Variants in MAGI3 observed in about 807,000 individuals in gnomAD.
MAGI3 encodes membrane-associated guanylate kinase, WW and PDZ domain-containing protein 3.
MAGI3 carries 43 observed loss-of-function variants against 121.8 expected under a neutral mutation model. That is an observed-to-expected ratio of 0.35 (90% CI 0.28 to 0.46). The LOEUF is 0.46. Ranked by LOEUF, MAGI3 falls within the 20% of genes least tolerant of loss-of-function variation. MAGI3 has a pLI of 1.00. For missense variants in MAGI3, 1,547 were observed against 1,797.3 expected (o/e 0.86, Z 2.52); for synonymous variants, 553 against 639.3 (o/e 0.86, Z 2.04).
chr1:113,553,838 A>G (rs4274063), intron 2 of MAGI3, among the ~76,000 whole-genome samples: 45,129 of 151,962 alleles, frequency 0.3, 7,407 homozygotes, highest in East Asian at 0.65. Context: ...GTGAAACCCC[A>G]TCTCTACTAA....
At chr1:113,404,912 A>G (rs1414003949) in intron 1 of MAGI3, among the ~76,000 whole-genome samples, 1 of 152,174 alleles carries the variant, frequency 6.6e-6, no homozygotes, top group Non-Finnish European at 1.5e-5. Flanking sequence ...TCTTGGAATT[A>G]TATGAAATTA....
rs552556849 is a variant in MAGI3, at chr1:113,557,388, C to T, written c.433+7757C>T. Among the ~76,000 whole-genome samples the T allele has an allele frequency of 8.5e-5, 13 of 152,286 alleles. No individual in the cohort carries two copies. The South Asian group carries it at 2.7e-3, about 32-fold the overall frequency. ...TTCCAGCCTGCAGGCTTTGGAGAGTCCAAGCTGATGGGCAGAAGTGGTTCT... is the reference window on the plus strand; with the variant it reads ...TTCCAGCCTGCAGGCTTTGGAGAGTTCAAGCTGATGGGCAGAAGTGGTTCT... On this transcript the variant is annotated intron_variant, in intron 2 of 20. Transcript: ENST00000307546.
At chr1:113,447,840 A>G (rs1307478346) in intron 1 of MAGI3, among the ~76,000 whole-genome samples, 3 of 150,516 alleles carry the variant, frequency 2.0e-5, no homozygotes, top group African/African-American at 7.3e-5. Context: ...GGGTGACAGA[A>G]CAAGACTGTG....
intron 6 of MAGI3, among the ~76,000 whole-genome samples, chr1:113,609,336 T>C (rs1649981152): frequency 6.6e-6 from 1 of 152,246 alleles, no homozygotes; most frequent in African/African-American, 2.4e-5. Context: ...TAAGATCTTC[T>C]AGAAAGACCT....
intron 1 of MAGI3, among the ~76,000 whole-genome samples, chr1:113,433,420 A>C (rs1399999934): frequency 1.3e-5 from 2 of 152,218 alleles, no homozygotes; most frequent in Non-Finnish European, 2.9e-5. Context: ...GGTGCAGGTC[A>C]TAACATTTGA....
chr1:113,445,581 G>A (rs1654139510), intron 1 of MAGI3, among the ~76,000 whole-genome samples: 2 of 152,098 alleles, frequency 1.3e-5, no homozygotes, highest in African/African-American at 4.8e-5. Context: ...TCCAGCCTAG[G>A]CAACAGAGCA....
At chr1:113,457,835 G>A (rs61819361) in intron 1 of MAGI3, among the ~76,000 whole-genome samples, 2 of 152,140 alleles carry the variant, frequency 1.3e-5, no homozygotes, top group Non-Finnish European at 2.9e-5. Flanking sequence ...TGCTGAAAAG[G>A]TGACATTTGA....
chr1:113,674,783 G>A (rs1647774776), intron 19 of MAGI3, among the ~76,000 whole-genome samples: 1 of 152,110 alleles, frequency 6.6e-6, no homozygotes, highest in Admixed American at 6.5e-5. Context: ...GAATGAGTTG[G>A]GAGAGTGACT....
chr1:113,478,623 G>C (rs530874841), intron 1 of MAGI3, among the ~76,000 whole-genome samples: 1 of 152,092 alleles, frequency 6.6e-6, no homozygotes, highest in Non-Finnish European at 1.5e-5. Context: ...TGGAAGCTTC[G>C]TCCCAGAGGG....
intron 9 of MAGI3, among the ~76,000 whole-genome samples, chr1:113,639,991 G>A (rs528534858): frequency 2.0e-5 from 3 of 152,276 alleles, no homozygotes; most frequent in East Asian, 1.9e-4. Context: ...GAGCCACCAC[G>A]CCCAGCCAGT....
At chr1:113,583,869 T>C (rs2101724537) in intron 3 of MAGI3, among the ~76,000 whole-genome samples, 1 of 152,322 alleles carries the variant, frequency 6.6e-6, no homozygotes, top group South Asian at 2.1e-4. Context: ...AGAGACAGGA[T>C]GTCATTGAAA....
Position 113,619,779 on chromosome 1 carries a change from G to A in MAGI3, c.1120G>A (p.Ala374Thr), listed in dbSNP as rs1450411569. Residue 374 changes from alanine (A) to threonine (T), a missense_variant, in exon 8 of 21, where the codon GCC becomes ACC. Transcript: ENST00000307546. ...CCAGTTTGAAAATCCAGTGGAGGAA[G>A]CCAAAAGGAAAAAGCAGTTAGGACA... is the stretch of plus-strand genomic sequence containing the variant. ...KTQFENPVEE[A>T]KRKKQLGQVE... The A allele has an allele frequency of 1.2e-6, 2 of 1,613,220 alleles. No homozygotes were observed. Among genetic ancestry groups the A allele is most frequent in the Admixed American group, 3.3e-5 (2 of 59,962 alleles).
chr1:113,409,942 T>G (rs2101328844), intron 1 of MAGI3, among the ~76,000 whole-genome samples: 1 of 152,294 alleles, frequency 6.6e-6, no homozygotes, highest in South Asian at 2.1e-4. Flanking sequence ...CTGTAGGAAC[T>G]TTTCTGCAAG....
intron 2 of MAGI3, among the ~76,000 whole-genome samples, chr1:113,549,859 C>A (rs1305970377): frequency 6.6e-6 from 1 of 152,040 alleles, no homozygotes; most frequent in Admixed American, 6.5e-5. Context: ...TGGCTCACAC[C>A]TATAATCCCA....
intron 1 of MAGI3, among the ~76,000 whole-genome samples, chr1:113,516,978 G>A (rs1443994060): frequency 2.0e-5 from 3 of 151,852 alleles, no homozygotes; most frequent in Non-Finnish European, 2.9e-5. Flanking sequence ...ATATTCTACA[G>A]AATACCTGTT....
At chr1:113,482,688 T>G (rs1656169533) in intron 1 of MAGI3, among the ~76,000 whole-genome samples, 1 of 151,162 alleles carries the variant, frequency 6.6e-6, no homozygotes, top group African/African-American at 2.4e-5. Context: ...GATCTTATTT[T>G]CTGACTAAAT....
At chr1:113,505,358 A>C (rs924152068) in intron 1 of MAGI3, among the ~76,000 whole-genome samples, 4 of 152,026 alleles carry the variant, frequency 2.6e-5, no homozygotes, top group Non-Finnish European at 5.9e-5. Context: ...AGGTTTTGTA[A>C]TATTTTCTGT....
chr1:113,504,665 A>C (rs749403356), intron 1 of MAGI3, among the ~76,000 whole-genome samples: 1 of 152,132 alleles, frequency 6.6e-6, no homozygotes, highest in Non-Finnish European at 1.5e-5. Flanking sequence ...ATATTTATTA[A>C]AATGGAAAAT....
chr1:113,580,038 T>C (rs1647912666), intron 2 of MAGI3, among the ~76,000 whole-genome samples: 1 of 152,146 alleles, frequency 6.6e-6, no homozygotes, highest in African/African-American at 2.4e-5. Context: ...CTTTAGCATT[T>C]AGTGATCTGT....
Sources: allele counts gnomAD v4.1 joint callset (sites outside exome capture counted in the v4.1 genomes callset), GRCh38; gene constraint gnomAD v4.1.1; transcripts MANE v1.5; gene names NCBI Gene and HGNC (gene_info 2026-07-23, HGNC 2026-07-21).